SLFN13: variants seen among roughly 807,000 people sequenced by gnomAD.
SLFN13 encodes the protein schlafen family member 13.
Under a neutral mutation model 50.6 loss-of-function variants are expected in SLFN13, and 43 were observed. The ratio of observed to expected loss-of-function variants is 0.85; its 90% CI spans 0.67 to 1.09. The LOEUF (loss-of-function observed/expected upper bound fraction) is 1.09. Ranked by LOEUF, SLFN13 falls within the 50% of genes least tolerant of loss-of-function variation. The pLI is 0.00. For missense variants in SLFN13, 881 were observed against 1,071.1 expected (o/e 0.82, Z 2.48); for synonymous variants, 339 against 386.5 (o/e 0.88, Z 1.44).
At position 35,444,922 on chromosome 17, in the gene SLFN13, A is replaced by G. The variant is rs745872539; in HGVS notation, c.759T>C (p.Ser253=). ...CTTTGGCACATCCCAGGACTTTCCT[A>G]CTCTTATCATCCACTCCAATAAAAA... is the stretch of plus-strand genomic sequence containing the variant. The part of the protein sequence containing the change: ...GYLFIGVDDK[S]RKVLGCAKEQ... The change falls in exon 3 of 6, where the codon AGT becomes AGC. Residue 253 remains serine (S), a synonymous_variant. Coordinates refer to ENST00000285013, the MANE Select transcript of SLFN13 (RefSeq NM_144682.6). 26 of 1,614,034 alleles carry G rather than the reference A, an allele frequency of 1.6e-5. No individual in the cohort carries two copies. The highest frequency in any genetic ancestry group is 2.2e-5 in the Non-Finnish European group (26 of 1,180,026).
Position 35,440,769 on chromosome 17 carries a change from A to G in SLFN13, c.2520T>C (p.Asp840=), listed in dbSNP as rs765255548. The G allele has an allele frequency of 1.2e-6, 2 of 1,614,102 alleles. No individual in the cohort carries two copies. Among genetic ancestry groups the G allele is most frequent in the Non-Finnish European group, 8.5e-7 (1 of 1,180,020 alleles). The change falls in exon 6 of 6, where the codon GAT becomes GAC. Residue 840 remains aspartate, a synonymous_variant. Transcript: ENST00000285013. ...TGTGCACACCCAACATATCACATGC[A>G]TCACTGAGCTGCACCACCATTTTCT... ...MRKKMVVQLS[D]ACDMLGVHIV... is the part of the protein sequence containing the mutation.
At position 35,444,676 on chromosome 17, in the gene SLFN13, C is replaced by A; in HGVS notation, c.1005G>T (p.Glu335Asp). The A allele has an allele frequency of 6.2e-7, 1 of 1,614,234 alleles. No individual in the cohort carries two copies. ...CAGTTGTCAAGGGGCGGATGTACTT[C>A]TCCCTCACCATCCATGACTTGGGAG... Reference protein sequence around the residue: ...SEAPKSWMVREKYIRPLTTEE... With the variant: ...SEAPKSWMVRDKYIRPLTTEE... Residue 335 changes from glutamate to aspartate, a missense_variant, in exon 3 of 6, where the codon GAG becomes GAT. By Grantham distance (45) the Glu-to-Asp change is conservative. This residue lies in a region of SLFN13 where 497 missense variants were observed against 518.3 expected (regional missense o/e 0.96). Transcript: ENST00000285013.
In SLFN13 at chr17:35,447,272, ATATT is replaced by A. The variant is rs765960250; in HGVS notation, c.-22_-19del. 10 of 152,238 alleles carry A rather than the reference ATATT, an allele frequency of 6.6e-5. No individual in the cohort carries two copies. Among genetic ancestry groups the A allele is most frequent in the Non-Finnish European group, 1.0e-4 (7 of 68,046 alleles). 9.4% of individuals were successfully genotyped at this position (152,238 alleles called of 1,614,324 possible). On this transcript the variant is annotated 5_prime_UTR_variant, in exon 2 of 6. Coordinates refer to ENST00000285013, the MANE Select transcript of SLFN13 (RefSeq NM_144682.6). The stretch of plus-strand genomic sequence containing the variant: ...GAAAAAAATCAGGAAGCTTACCAAT[ATATT>A]TAACAAAAGCAACTGATTCTGTTGT...
rs774502999 is a variant in SLFN13, at chr17:35,442,252, G to A, written c.1233C>T (p.Ser411=). ...PPGHLECTPE[S]LWKELSLQHE... is the part of the protein sequence containing the mutation. ...GCTGTAAAGACAGCTCCTTCCAGAG[G>A]GACTCTGGAGTACATTCCAAATGTC... The change falls in exon 5 of 6, where the codon TCC becomes TCT. Residue 411 remains serine (S), a synonymous_variant. Transcript: ENST00000285013. 5.0e-6 allele frequency: 8 copies of A among 1,606,258 alleles called. No individual in the cohort carries two copies. Among genetic ancestry groups the A allele is most frequent in the Non-Finnish European group, 6.8e-6 (8 of 1,175,818 alleles).
chr17:35,444,071 G>T, intron 3 of SLFN13, 151 bp from the exon 4 acceptor site: 1 of 654,838 alleles, frequency 1.5e-6, no homozygotes, highest in Non-Finnish European at 2.3e-6. Context: ...CTATGTCCAG[G>T]TTCCCAAAGA....
Position 35,442,413 on chromosome 17 carries a change from G to T in SLFN13, c.1199-127C>A, listed in dbSNP as rs1016574503. 4.5e-6 allele frequency: 5 copies of T among 1,121,296 alleles called. No homozygotes were observed. In the East Asian group the frequency reaches 1.3e-4, roughly 29 times the overall value. The allele number at this position is 1,121,296 out of a possible 1,614,324, so 69.5% of individuals were successfully genotyped here. A position where few individuals can be genotyped will look rare whatever the true frequency, so the allele number is the denominator to read the frequency against. On this transcript the variant is annotated intron_variant, in intron 4 of 5. Transcript: ENST00000285013. ...GTACAATTTAACAGAAATTCCTTCT[G>T]GTGCATCTCTGGTTTTTTGTTTGTT...
intron 3 of SLFN13, 89 bp downstream of exon 3, chr17:35,444,526 T>G: frequency 8.4e-6 from 10 of 1,190,806 alleles, no homozygotes; most frequent in Non-Finnish European, 1.2e-5. Context: ...TCAGTGGGTG[T>G]GAGAAGGTCA....
In SLFN13 at chr17:35,444,657, T is replaced by A. The variant is rs1322518026; in HGVS notation, c.1024A>T (p.Thr342Ser). 1 of 1,614,190 alleles carries A rather than the reference T, an allele frequency of 6.2e-7. No homozygotes were observed. Among genetic ancestry groups the A allele is most frequent in the African/African-American group, 1.3e-5 (1 of 75,050 alleles). ...ATTTTCTCTACCCATTCCTCAGTTG[T>A]CAAGGGGCGGATGTACTTCTCCCTC... Reference protein sequence around the residue: ...MVREKYIRPLTTEEWVEKMMD... With the variant: ...MVREKYIRPLSTEEWVEKMMD... Residue 342 changes from threonine to serine, a missense_variant, in exon 3 of 6, where the codon ACA (threonine) becomes TCA (serine). Around this residue, in one of 5 missense-constraint regions of SLFN13, gnomAD observed 497 missense variants for 518.3 expected, o/e 0.96. Transcript: ENST00000285013.
At chr17:35,447,824 C>T (rs899739756) in intron 1 of SLFN13, among the ~76,000 whole-genome samples, 2 of 152,064 alleles carry the variant, frequency 1.3e-5, no homozygotes, top group Non-Finnish European at 2.9e-5. Flanking sequence ...GCAGGGTAAT[C>T]AGGATAATGG....
intron 3 of SLFN13, 58 bp from the exon 4 acceptor site, chr17:35,443,978 A>G (rs1183512867): frequency 3.3e-6 from 5 of 1,505,332 alleles, no homozygotes; most frequent in Non-Finnish European, 4.5e-6. Flanking sequence ...CTATTGGAAT[A>G]GGCTGTACAA....
At chr17:35,447,660 C>A (rs1913285349) in intron 1 of SLFN13, among the ~76,000 whole-genome samples, 1 of 152,160 alleles carries the variant, frequency 6.6e-6, no homozygotes, top group African/African-American at 2.4e-5. Context: ...TGGGGACTGG[C>A]TAGTCTCAGG....
intron 3 of SLFN13, 21 bp downstream of exon 3, chr17:35,444,594 G>T: frequency 6.2e-7 from 1 of 1,602,102 alleles, no homozygotes; most frequent in South Asian, 1.1e-5. Flanking sequence ...GTCAGGAAGG[G>T]AGAATCTGGT....
chr17:35,441,337 C>T lies in SLFN13; in HGVS notation c.1952G>A (p.Arg651Gln), dbSNP rs191787340. The T allele has an allele frequency of 2.7e-5, 43 of 1,610,092 alleles. No homozygotes were observed. The highest frequency in any genetic ancestry group is 2.4e-4 in the African/African-American group (18 of 74,442). The change falls in exon 6 of 6, where the codon CGG (arginine) becomes CAG (glutamine). Residue 651 changes from arginine to glutamine, a missense_variant. Physicochemically the swap from Arg to Gln is conservative, Grantham distance 43. Around this residue, in one of 5 missense-constraint regions of SLFN13, gnomAD observed 322 missense variants for 327.4 expected, o/e 0.98. Coordinates refer to ENST00000285013, the MANE Select transcript of SLFN13 (RefSeq NM_144682.6). ...SDRNICRAET[R>Q]ETFLREKFEH... ...AAATTTTTCTCTTAGGAAAGTTTCC[C>T]GGGTCTCTGCTCGGCAGATATTTCT...
intron 1 of SLFN13, among the ~76,000 whole-genome samples, chr17:35,447,981 G>T (rs1240981172): frequency 6.6e-6 from 1 of 151,724 alleles, no homozygotes; most frequent in Non-Finnish European, 1.5e-5. Flanking sequence ...CTCAGCCTCC[G>T]GAGAAGCTGG....
chr17:35,444,948 G>A lies in SLFN13; in HGVS notation c.733C>T (p.Leu245Phe). Reference protein sequence around the residue: ...SAFANTEGGYLFIGVDDKSRK... With the variant: ...SAFANTEGGYFFIGVDDKSRK... Reference sequence around the variant, plus strand: ...CTCTTATCATCCACTCCAATAAAAAGATAGCCTCCCTCAGTGTTTGCAAAT... The same window carrying A: ...CTCTTATCATCCACTCCAATAAAAAAATAGCCTCCCTCAGTGTTTGCAAAT... The change falls in exon 3 of 6, where the codon CTT (leucine) becomes TTT (phenylalanine). Residue 245 changes from leucine to phenylalanine, a missense_variant. Transcript: ENST00000285013. 3.1e-6 allele frequency: 5 copies of A among 1,614,180 alleles called. No homozygotes were observed. Among genetic ancestry groups the A allele is most frequent in the Non-Finnish European group, 4.2e-6 (5 of 1,180,032 alleles).
At position 35,445,018 on chromosome 17, in the gene SLFN13, A is replaced by G. The variant is rs1333591764; in HGVS notation, c.663T>C (p.His221=). The change falls in exon 3 of 6, where the codon CAT becomes CAC. Residue 221 remains histidine, a synonymous_variant. Coordinates refer to ENST00000285013, the MANE Select transcript of SLFN13 (RefSeq NM_144682.6). ...SIEFKQFSTK[H]IQQYVENIIP... The stretch of plus-strand genomic sequence containing the variant: ...TTATATTTTCTACATATTGTTGGAT[A>G]TGTTTTGTAGAGAACTGTTTAAACT... 5.6e-6 allele frequency: 9 copies of G among 1,614,142 alleles called. No homozygotes were observed. Among genetic ancestry groups the G allele is most frequent in the East Asian group, 4.5e-5 (2 of 44,888 alleles).
rs991934716 is a variant in SLFN13, at chr17:35,440,026, T to C, written c.*569A>G. On this transcript the variant is annotated 3_prime_UTR_variant, in exon 6 of 6. Coordinates refer to ENST00000285013, the MANE Select transcript of SLFN13 (RefSeq NM_144682.6). ...GGATTAAATAATCATAACAATATTG[T>C]TTGTTCTGCCGAAATGATTAATCTG... 4.6e-5 allele frequency: 7 copies of C among 152,964 alleles called. No homozygotes were observed. The highest frequency in any genetic ancestry group is 1.7e-4 in the African/African-American group (7 of 41,558). 9.5% of individuals were successfully genotyped at this position (152,964 alleles called of 1,614,324 possible).
chr17:35,440,706 T>C lies in SLFN13; in HGVS notation c.2583A>G (p.Glu861=), dbSNP rs778607423. 2 of 1,614,090 alleles carry C rather than the reference T, an allele frequency of 1.2e-6. No individual in the cohort carries two copies. Among genetic ancestry groups the C allele is most frequent in the East Asian group, 4.5e-5 (2 of 44,876 alleles). ...LDSVRRFSGL[E]RSIVFGIHPR... ...GATGGATCCCAAACACTATGCTCCT[T>C]TCCAGGCCTGAGAATCGCCGGACAC... is the stretch of plus-strand genomic sequence containing the variant. Residue 861 remains glutamate, a synonymous_variant, in exon 6 of 6, where the codon GAA becomes GAG. Transcript: ENST00000285013.
chr17:35,442,409 T>C, intron 4 of SLFN13, 123 bp from the exon 5 acceptor site: 2 of 1,147,066 alleles, frequency 1.7e-6, no homozygotes, highest in Non-Finnish European at 2.4e-6. Flanking sequence ...CAGAAATTCC[T>C]TCTGGTGCAT....
Sources: gnomAD v4.1 joint callset for allele counts (sites outside exome capture counted in the v4.1 genomes callset) on GRCh38, gnomAD v4.1.1 for gene constraint, gnomAD v4.1.1 regional missense constraint, MANE v1.5 for transcripts, NCBI Gene and HGNC (gene_info 2026-07-23, HGNC 2026-07-21) for gene names.